PCCA: variants seen among roughly 807,000 people sequenced by gnomAD.
PCCA encodes the protein propionyl-CoA carboxylase subunit alpha, also known as propionyl-CoA carboxylase alpha chain, mitochondrial.
A neutral mutation model predicts 101.3 loss-of-function variants in PCCA; 74 were observed. The observed-to-expected ratio is 0.73, with a 90% CI of 0.61 to 0.89. PCCA has a LOEUF of 0.89. Among genes scored for constraint, PCCA ranks in the 40% least tolerant of loss-of-function variants. The pLI, the probability that PCCA is intolerant of heterozygous loss-of-function variation, is 0.00. For missense variants in PCCA, 891 were observed against 907.0 expected, an observed-to-expected ratio of 0.98 and a Z score of 0.23; for synonymous variants, 294 against 313.6, an observed-to-expected ratio of 0.94 and a Z score of 0.66.
At chr13:100,193,986 G>A (rs932571787) in intron 6 of PCCA, among the ~76,000 whole-genome samples, 8 of 151,810 alleles carry the variant, frequency 5.3e-5, no homozygotes, top group African/African-American at 1.9e-4. Context: ...CAGGAAAACG[G>A]CACAAACCTG....
rs900714532 is a variant in PCCA, at chr13:100,511,305, C to G, written c.1900-4122C>G. Among the ~76,000 whole-genome samples, 3 of 152,194 alleles carry G rather than the reference C, an allele frequency of 2.0e-5. No individual in the cohort carries two copies. The East Asian group carries it at 5.8e-4, about 29-fold the overall frequency. Reference sequence around the variant, plus strand: ...CTGTTTCTCCAGCTCTGAGTTAGGACAGTAGACCTTTAGGGGAATATTTGA... The same window carrying G: ...CTGTTTCTCCAGCTCTGAGTTAGGAGAGTAGACCTTTAGGGGAATATTTGA... On this transcript the variant is annotated intron_variant, in intron 21 of 23. Coordinates refer to ENST00000376285, the MANE Select transcript of PCCA (RefSeq NM_000282.4).
chr13:100,202,311 G>C (rs1324117344), intron 6 of PCCA, among the ~76,000 whole-genome samples: 1 of 152,112 alleles, frequency 6.6e-6, no homozygotes, highest in Non-Finnish European at 1.5e-5. Flanking sequence ...TCCAGGCTGG[G>C]TAACAGAGCA....
At chr13:100,521,340 G>A (rs1025943654) in intron 22 of PCCA, among the ~76,000 whole-genome samples, 1 of 152,166 alleles carries the variant, frequency 6.6e-6, no homozygotes, top group African/African-American at 2.4e-5. Context: ...AGCGGGGCTG[G>A]ACGGGTGGCC....
chr13:100,176,249 T>G lies in PCCA; in HGVS notation c.468+18909T>G, dbSNP rs143958263. 2.8e-3 allele frequency among the ~76,000 whole-genome samples: 431 copies of G among 152,272 alleles called. 5 individuals carry two copies. Among genetic ancestry groups the G allele is most frequent in the African/African-American group, 0.01 (418 of 41,538 alleles). On this transcript the variant is annotated intron_variant, in intron 6 of 23. Transcript: ENST00000376285. ...GACAGGACTCTGAAATTGTGGTGTTTGGGAAAATCCAGAAATTTTCTTTTT... is the reference window on the plus strand; with the variant it reads ...GACAGGACTCTGAAATTGTGGTGTTGGGGAAAATCCAGAAATTTTCTTTTT...
At chr13:100,330,518 C>T (rs1030981341) in intron 16 of PCCA, 43 bp from the exon 17 acceptor site, 1 of 1,191,200 alleles carries the variant, frequency 8.4e-7, no homozygotes, top group Non-Finnish European at 1.3e-6. Flanking sequence ...TTCAATTTTT[C>T]ACTGATTCAT....
intron 6 of PCCA, among the ~76,000 whole-genome samples, chr13:100,192,905 G>T (rs529809576): frequency 6.6e-6 from 1 of 152,124 alleles, no homozygotes; most frequent in East Asian, 1.9e-4. Context: ...TATTCTTACC[G>T]TGTATTGTTT....
intron 7 of PCCA, among the ~76,000 whole-genome samples, chr13:100,227,269 GCCCAGCC>G (rs2060199920): frequency 2.0e-5 from 3 of 152,108 alleles, no homozygotes; most frequent in African/African-American, 7.2e-5. Context: ...GAGCCGTTGT[GCCCAGCC>G]CACACCTGAG....
chr13:100,527,289 A>G (rs1321809559), intron 22 of PCCA: 1 of 473,816 alleles, frequency 2.1e-6, no homozygotes, highest in Non-Finnish European at 4.4e-6. Flanking sequence ...TTCCCTCTTC[A>G]ACCCCAGGCA....
chr13:100,289,154 T>TG (rs1298200505), intron 12 of PCCA, among the ~76,000 whole-genome samples: 9 of 152,242 alleles, frequency 5.9e-5, no homozygotes. Flanking sequence ...ACATGAGTTA[T>TG]GTGGCTATTT....
At chr13:100,307,046 A>G (rs147575259) in intron 14 of PCCA, 146 bp from the exon 15 acceptor site, 1 of 661,892 alleles carries the variant, frequency 1.5e-6, no homozygotes, top group Admixed American at 2.5e-5. Context: ...TCAAGATTTT[A>G]GATTGTTTTC....
chr13:100,099,695 A>G (rs2047103107), intron 1 of PCCA, among the ~76,000 whole-genome samples: 1 of 152,006 alleles, frequency 6.6e-6, no homozygotes, highest in Non-Finnish European at 1.5e-5. Flanking sequence ...AGTGGCTGGA[A>G]GGCATGCATC....
intron 7 of PCCA, among the ~76,000 whole-genome samples, chr13:100,224,789 G>T (rs1404832462): frequency 6.6e-6 from 1 of 152,236 alleles, no homozygotes; most frequent in African/African-American, 2.4e-5. Flanking sequence ...GCTGAAAAGT[G>T]AGATTGATGA....
chr13:100,518,636 T>C (rs949203007), intron 22 of PCCA, among the ~76,000 whole-genome samples: 9 of 152,230 alleles, frequency 5.9e-5, no homozygotes, highest in African/African-American at 2.2e-4. Flanking sequence ...CACAGTAAAA[T>C]GCAGGTAAGC....
At chr13:100,445,377 G>A (rs1435206557) in intron 20 of PCCA, among the ~76,000 whole-genome samples, 1 of 143,556 alleles carries the variant, frequency 7.0e-6, no homozygotes, top group Non-Finnish European at 1.5e-5. Context: ...CTGTGGAATG[G>A]CTACATTGAG....
rs114463765 is a variant in PCCA, at chr13:100,130,110, A to G, written c.300+18049A>G. Among the ~76,000 whole-genome samples the G allele has an allele frequency of 2.2e-3, 336 of 152,330 alleles. 1 individual carries two copies. Among genetic ancestry groups the G allele is most frequent in the African/African-American group, 7.8e-3 (323 of 41,574 alleles). On this transcript the variant is annotated intron_variant, in intron 4 of 23. Coordinates refer to ENST00000376285, the MANE Select transcript of PCCA (RefSeq NM_000282.4). ...AACCAGAGAAAAATGTCAGATCTCAAAATTGTGTTTTTGCTCAATTTCAAG... is the reference window on the plus strand; with the variant it reads ...AACCAGAGAAAAATGTCAGATCTCAGAATTGTGTTTTTGCTCAATTTCAAG...
At chr13:100,521,271 C>A (rs2087265480) in intron 22 of PCCA, among the ~76,000 whole-genome samples, 1 of 152,252 alleles carries the variant, frequency 6.6e-6, no homozygotes, top group Non-Finnish European at 1.5e-5. Context: ...GGGAGCCCCA[C>A]TTGAGAGACA....
At chr13:100,446,680 T>C (rs2080856062) in intron 20 of PCCA, among the ~76,000 whole-genome samples, 1 of 152,214 alleles carries the variant, frequency 6.6e-6, no homozygotes, top group Non-Finnish European at 1.5e-5. Context: ...GGAGTCTATT[T>C]TATTCCATTT....
chr13:100,447,205 A>G (rs1057029478), intron 20 of PCCA, among the ~76,000 whole-genome samples: 5 of 152,130 alleles, frequency 3.3e-5, no homozygotes, highest in Non-Finnish European at 7.4e-5. Context: ...CAACATGGCA[A>G]AACCCCATCT....
At chr13:100,223,960 C>A (rs1202365165) in intron 7 of PCCA, among the ~76,000 whole-genome samples, 1 of 152,264 alleles carries the variant, frequency 6.6e-6, no homozygotes, top group Non-Finnish European at 1.5e-5. Flanking sequence ...CATGTCCTCA[C>A]CAGACTCAGG....
Sources: gnomAD v4.1 joint callset for allele counts (sites outside exome capture counted in the v4.1 genomes callset) on GRCh38, gnomAD v4.1.1 for gene constraint, MANE v1.5 for transcripts, NCBI Gene and HGNC (gene_info 2026-07-23, HGNC 2026-07-21) for gene names.